The following SAE1 variants were observed in gnomAD, a reference collection of about 807,000 sequenced individuals.
The protein encoded by SAE1 is SUMO1 activating enzyme subunit 1, also known as SUMO-activating enzyme subunit 1.
SAE1 carries 11 observed loss-of-function variants against 40.6 expected under a neutral mutation model. That is an observed-to-expected ratio of 0.27 (90% confidence interval 0.17 to 0.45). The LOEUF is 0.45. SAE1 is among the 20% of genes least tolerant of loss of function. SAE1 has a pLI of 1.00. For synonymous variants in SAE1, 155 were observed against 154.3 expected (o/e 1.00, Z -0.03); for missense variants, 373 against 427.3 (o/e 0.87, Z 1.12).
At chr19:47,136,224 C>G (rs561254638) in intron 1 of SAE1, among the ~76,000 whole-genome samples, 1 of 151,836 alleles carries the variant, frequency 6.6e-6, no homozygotes, top group Admixed American at 6.6e-5. Flanking sequence ...GTACAATCTC[C>G]ACCTCCCAGG....
chr19:47,206,871 G>A (rs1156961223), intron 8 of SAE1, among the ~76,000 whole-genome samples: 1 of 152,198 alleles, frequency 6.6e-6, no homozygotes, highest in Non-Finnish European at 1.5e-5. Flanking sequence ...CAAAACTCTA[G>A]CAGGCAGGTG....
intron 8 of SAE1, among the ~76,000 whole-genome samples, chr19:47,205,451 A>G (rs1330378737): frequency 6.6e-6 from 1 of 152,010 alleles, no homozygotes; most frequent in Non-Finnish European, 1.5e-5. Flanking sequence ...AAAGTGTGCA[A>G]TGGCCATACC....
intron 7 of SAE1, among the ~76,000 whole-genome samples, chr19:47,203,088 C>G (rs2058664459): frequency 6.6e-6 from 1 of 152,108 alleles, no homozygotes; most frequent in South Asian, 2.1e-4. Context: ...AAGTGATTTG[C>G]TTACTAGGAT....
rs74756802 is a variant in SAE1, at chr19:47,203,429, A to C, written c.879-242A>C. ...TTTCCTTTAACTTATAAAGGTAAAAATAAAAGTATTGTGAAAGAATTTCTG... is the reference window on the plus strand; with the variant it reads ...TTTCCTTTAACTTATAAAGGTAAAACTAAAAGTATTGTGAAAGAATTTCTG... On this transcript the variant is annotated intron_variant, in intron 7 of 8. Transcript: ENST00000270225. Among the ~76,000 whole-genome samples, 158 of 152,362 alleles carry C rather than the reference A, an allele frequency of 1.0e-3. 2 individuals are homozygous for C. The South Asian group carries it at 0.018, about 18-fold the overall frequency.
chr19:47,209,414 C>G lies in SAE1; in HGVS notation c.*163C>G. 1 of 1,223,656 alleles carries G rather than the reference C, an allele frequency of 8.2e-7. No individual in the cohort carries two copies. The allele number at this position is 1,223,656 out of a possible 1,614,324, so 75.8% of individuals were successfully genotyped here. ...GGAGGTGGTGCCGACGTGCTGCTTCCCATCACCAGCAGCTGCTCGACAAGG... is the reference window on the plus strand; with the variant it reads ...GGAGGTGGTGCCGACGTGCTGCTTCGCATCACCAGCAGCTGCTCGACAAGG... On this transcript the variant is annotated 3_prime_UTR_variant, in exon 9 of 9. Transcript: ENST00000270225.
intron 5 of SAE1, among the ~76,000 whole-genome samples, chr19:47,166,703 G>A (rs1188383083): frequency 6.6e-6 from 1 of 152,112 alleles, no homozygotes; most frequent in Non-Finnish European, 1.5e-5. Flanking sequence ...TCATTCTGAT[G>A]GCATTCCCAG....
At chr19:47,142,920 TC>T (rs1299333732) in intron 1 of SAE1, among the ~76,000 whole-genome samples, 27 of 152,184 alleles carry the variant, frequency 1.8e-4, no homozygotes, top group Non-Finnish European at 3.5e-4. Context: ...TTTATCTGTC[TC>T]CTACTTTTTC....
intron 5 of SAE1, among the ~76,000 whole-genome samples, chr19:47,165,076 C>CTTTTTTTTTTTTTTT (rs769656956): frequency 1.7e-5 from 1 of 59,074 alleles, no homozygotes; most frequent in Non-Finnish European, 2.8e-5. Flanking sequence ...TGAGCCAAGT[C>CTTTTTTTTTTTTTTT]TTTTTTTTTT....
At chr19:47,208,820 G>A (rs2058698699) in intron 8 of SAE1, among the ~76,000 whole-genome samples, 1 of 152,182 alleles carries the variant, frequency 6.6e-6, no homozygotes, top group Admixed American at 6.5e-5. Flanking sequence ...GCCTCCCAAA[G>A]TGCTGGGATT....
intron 2 of SAE1, among the ~76,000 whole-genome samples, chr19:47,146,568 TCAGAGCTG>T (rs2058256433): frequency 6.6e-6 from 1 of 152,196 alleles, no homozygotes; most frequent in South Asian, 2.1e-4. Context: ...GGCACTGTTC[TCAGAGCTG>T]CAGTTGTATT....
chr19:47,191,471 C>T (rs1174206444), intron 6 of SAE1, among the ~76,000 whole-genome samples: 1 of 152,158 alleles, frequency 6.6e-6, no homozygotes, highest in Non-Finnish European at 1.5e-5. Flanking sequence ...GCAACAAGAC[C>T]CAGAAAGGGT....
At position 47,145,525 on chromosome 19, in the gene SAE1, A is replaced by C. The variant is rs183217642; in HGVS notation, c.210+1920A>C. 2.4e-4 allele frequency among the ~76,000 whole-genome samples: 36 copies of C among 152,254 alleles called. 2 individuals are homozygous for C. The highest frequency in any genetic ancestry group is 2.3e-3 in the Admixed American group (35 of 15,280). ...CTTTCTCTGACCAGGCTCATCTTCA[A>C]GGTGAAAATAAGTGCTGCTCTCTCT... On this transcript the variant is annotated intron_variant, in intron 2 of 8. Coordinates refer to ENST00000270225, the MANE Select transcript of SAE1 (RefSeq NM_005500.3).
intron 5 of SAE1, among the ~76,000 whole-genome samples, chr19:47,161,179 C>T (rs2058357664): frequency 1.0e-5 from 1 of 98,672 alleles, no homozygotes; most frequent in African/African-American, 4.2e-5. Flanking sequence ...CTAATTTTTT[C>T]GGGTTTTTTT....
At chr19:47,143,820 C>G (rs1195453805) in intron 2 of SAE1, among the ~76,000 whole-genome samples, 1 of 152,160 alleles carries the variant, frequency 6.6e-6, no homozygotes, top group Non-Finnish European at 1.5e-5. Context: ...CTCACACCCC[C>G]TCATTGAGCT....
At chr19:47,165,287 A>T (rs1263405858) in intron 5 of SAE1, among the ~76,000 whole-genome samples, 2 of 150,734 alleles carry the variant, frequency 1.3e-5, no homozygotes, top group African/African-American at 4.9e-5. Context: ...ACGGGGTTTC[A>T]CCATGTTGGC....
At chr19:47,201,730 T>C (rs2058656839) in intron 7 of SAE1, among the ~76,000 whole-genome samples, 1 of 151,884 alleles carries the variant, frequency 6.6e-6, no homozygotes, top group South Asian at 2.1e-4. Flanking sequence ...ACCTCCTGGG[T>C]TCATGCAATT....
chr19:47,155,047 CT>C, intron 4 of SAE1, 66 bp from the exon 5 acceptor site: 19 of 1,020,216 alleles, frequency 1.9e-5, no homozygotes, highest in Non-Finnish European at 2.5e-5. Context: ...CCTGGAGAGG[CT>C]TTTTTTGATT....
At chr19:47,193,276 G>T (rs1206652002) in intron 6 of SAE1, among the ~76,000 whole-genome samples, 1 of 151,860 alleles carries the variant, frequency 6.6e-6, no homozygotes, top group Non-Finnish European at 1.5e-5. Context: ...GGCCAGGCTG[G>T]TCTTGAACTC....
chr19:47,153,619 T>A (rs2058301731), intron 4 of SAE1, among the ~76,000 whole-genome samples: 1 of 152,162 alleles, frequency 6.6e-6, no homozygotes, highest in Admixed American at 6.5e-5. Context: ...ACCAAGAGAC[T>A]GAGAACTCTT....
Sources: gnomAD v4.1 joint callset for allele counts (sites outside exome capture counted in the v4.1 genomes callset) on GRCh38, gnomAD v4.1.1 for gene constraint, MANE v1.5 for transcripts, NCBI Gene and HGNC (gene_info 2026-07-23, HGNC 2026-07-21) for gene names.